Variants in FDFT1 observed in about 807,000 individuals in gnomAD.
FDFT1 encodes squalene synthase.
In FDFT1, 68 loss-of-function variants were observed where a neutral mutation model predicts 46.8. The observed-to-expected ratio is 1.45, with a 90% confidence interval of 1.19 to 1.78. The LOEUF (loss-of-function observed/expected upper bound fraction) is 1.78. Ranked by LOEUF, FDFT1 falls within the 40% of genes most tolerant of loss-of-function variation. FDFT1 has a pLI of 0.00. For synonymous variants in FDFT1, 351 were observed against 185.1 expected (o/e 1.90, Z -7.28); for missense variants, 928 against 524.4 (o/e 1.77, Z -7.52).
At chr8:11,802,716 C>T, upstream of FDFT1, 2 of 796,054 alleles carry the variant, frequency 2.5e-6, no homozygotes, top group South Asian at 3.2e-5. Context: ...CGTACTAGGC[C>T]TGCCCCCTGT....
intron 3 of FDFT1, among the ~76,000 whole-genome samples, chr8:11,820,811 C>A (rs929460732): frequency 2.0e-5 from 3 of 152,196 alleles, no homozygotes; most frequent in African/African-American, 7.2e-5. Context: ...ATCCCCTGAC[C>A]CCTTGCACTT....
At chr8:11,816,571 A>G (rs1808485205) in intron 3 of FDFT1, among the ~76,000 whole-genome samples, 1 of 152,138 alleles carries the variant, frequency 6.6e-6, no homozygotes, top group African/African-American at 2.4e-5. Flanking sequence ...TTCTCTTTGA[A>G]GAGGTCCTTC....
intron 3 of FDFT1, chr8:11,810,074 C>T (rs563993435): frequency 8.0e-6 from 4 of 501,352 alleles, no homozygotes; most frequent in African/African-American, 1.9e-5. Context: ...CAAAGACTCT[C>T]TGTGCCTCAG....
At chr8:11,836,152 T>TAAAA (rs34824501) in intron 7 of FDFT1, among the ~76,000 whole-genome samples, 51 of 143,642 alleles carry the variant, frequency 3.6e-4, no homozygotes, top group Middle Eastern at 3.6e-3. Context: ...GACACCATCT[T>TAAAA]AAAAAAAAAA....
chr8:11,808,927 A>C, intron 2 of FDFT1, 36 bp downstream of exon 2: 3 of 1,602,804 alleles, frequency 1.9e-6, no homozygotes, highest in Non-Finnish European at 2.6e-6. Context: ...GCTTGGAGGA[A>C]AGCTTGTCCG....
At chr8:11,830,213 G>C (rs757341476) in intron 5 of FDFT1, 31 bp from the exon 6 acceptor site, 1 of 1,568,126 alleles carries the variant, frequency 6.4e-7, no homozygotes, top group South Asian at 1.1e-5. Flanking sequence ...TGCACACGCT[G>C]ACCTGTTCCT....
chr8:11,830,832 C>T (rs1413927746), intron 6 of FDFT1, among the ~76,000 whole-genome samples: 1 of 152,204 alleles, frequency 6.6e-6, no homozygotes, highest in East Asian at 1.9e-4. Context: ...GAACCTGGTC[C>T]GGTAGACCTA....
At chr8:11,809,472 A>T (rs1807396241) in intron 2 of FDFT1, 195 bp from the exon 3 acceptor site, 1 of 1,316,036 alleles carries the variant, frequency 7.6e-7, no homozygotes, top group East Asian at 2.9e-5. Flanking sequence ...AATAAACTAC[A>T]GAAGTTCATT....
intron 5 of FDFT1, among the ~76,000 whole-genome samples, chr8:11,828,736 G>C (rs528900693): frequency 1.3e-5 from 2 of 152,356 alleles, no homozygotes; most frequent in South Asian, 4.1e-4. Context: ...AAAGGTTCTG[G>C]ACATTTCGTA....
chr8:11,823,048 G>C (rs1005236188), intron 4 of FDFT1, among the ~76,000 whole-genome samples: 1 of 152,084 alleles, frequency 6.6e-6, no homozygotes, highest in Admixed American at 6.6e-5. Flanking sequence ...TCAACCTCCT[G>C]GGCTCAGGTG....
intron 3 of FDFT1, among the ~76,000 whole-genome samples, chr8:11,816,346 T>A (rs1342051049): frequency 6.6e-6 from 1 of 152,254 alleles, no homozygotes; most frequent in Non-Finnish European, 1.5e-5. Context: ...GTCTTGGCTA[T>A]GCAGGCTCTT....
chr8:11,828,628 TTC>T (rs1349169546), intron 5 of FDFT1, among the ~76,000 whole-genome samples: 1 of 152,284 alleles, frequency 6.6e-6, no homozygotes, highest in Non-Finnish European at 1.5e-5. Context: ...AGCCCTGCTC[TTC>T]TCATTCACTT....
In FDFT1 at chr8:11,821,730, T is replaced by C; in HGVS notation, c.382-20T>C. On this transcript the variant is annotated intron_variant, in intron 3 of 7. Coordinates refer to ENST00000220584, the MANE Select transcript of FDFT1 (RefSeq NM_004462.5). ...TGTACATATTTCATGATTTCTGTGT[T>C]TTTACGGTTTCCATTTCAGATCTCC... is the stretch of plus-strand genomic sequence containing the variant. 6.2e-7 allele frequency: 1 copy of C among 1,611,828 alleles called. No individual in the cohort carries two copies. Among genetic ancestry groups the C allele is most frequent in the Non-Finnish European group, 8.5e-7 (1 of 1,178,488 alleles).
intron 5 of FDFT1, among the ~76,000 whole-genome samples, chr8:11,828,605 C>G (rs1399870733): frequency 1.3e-5 from 2 of 152,270 alleles, no homozygotes; most frequent in Admixed American, 6.5e-5. Flanking sequence ...CCATCTTGCA[C>G]ACACAGGAGC....
At chr8:11,819,897 G>GA (rs1808983958) in intron 3 of FDFT1, among the ~76,000 whole-genome samples, 1 of 152,142 alleles carries the variant, frequency 6.6e-6, no homozygotes, top group South Asian at 2.1e-4. Flanking sequence ...TGCTGGTGAG[G>GA]AGTTACGTTC....
chr8:11,821,711 T>C (rs952091373), intron 3 of FDFT1, 39 bp from the exon 4 acceptor site: 4 of 1,608,446 alleles, frequency 2.5e-6, no homozygotes, highest in Non-Finnish European at 3.4e-6. Flanking sequence ...TGTCTGTACA[T>C]ATTTCATGAT....
chr8:11,808,459 G>T, intron 1 of FDFT1: 1 of 1,269,822 alleles, frequency 7.9e-7, no homozygotes, highest in Non-Finnish European at 9.9e-7. Context: ...CCCTCGTCGG[G>T]CGCTTCCCAG....
chr8:11,810,616 C>T (rs561320969), intron 3 of FDFT1, among the ~76,000 whole-genome samples: 3 of 152,204 alleles, frequency 2.0e-5, no homozygotes, highest in Non-Finnish European at 4.4e-5. Context: ...AGTTAAAATC[C>T]TAAGATTTTT....
At chr8:11,835,554 T>A (rs1175053349) in intron 7 of FDFT1, among the ~76,000 whole-genome samples, 1 of 152,222 alleles carries the variant, frequency 6.6e-6, no homozygotes, top group Non-Finnish European at 1.5e-5. Context: ...CTCTTGGAGT[T>A]CTCTAAAAGG....
Sources: allele counts gnomAD v4.1 joint callset (sites outside exome capture counted in the v4.1 genomes callset), GRCh38; gene constraint gnomAD v4.1.1; transcripts MANE v1.5; gene names NCBI Gene and HGNC (gene_info 2026-07-23, HGNC 2026-07-21).